CNN3: variants seen among roughly 807,000 people sequenced by gnomAD.
CNN3 encodes calponin-3.
A neutral mutation model predicts 39.0 loss-of-function variants in CNN3; 11 were observed. That is an observed-to-expected ratio of 0.28 (90% CI 0.18 to 0.47). CNN3 has a LOEUF of 0.47. Ranked by LOEUF, CNN3 falls within the 20% of genes least tolerant of loss-of-function variation. The pLI is 0.99. For synonymous variants in CNN3, 101 were observed against 138.3 expected (o/e 0.73, Z 1.89); for missense variants, 266 against 403.4 (o/e 0.66, Z 2.92).
intron 6 of CNN3, 36 bp from the exon 7 acceptor site, chr1:94,898,119 A>G (rs1250744959): frequency 6.5e-7 from 1 of 1,539,352 alleles, no homozygotes; most frequent in Non-Finnish European, 8.9e-7. Context: ...TTAAAACAGC[A>G]GCTAGAATCT....
At chr1:94,907,582 A>C (rs1671035705) in intron 1 of CNN3, among the ~76,000 whole-genome samples, 1 of 152,174 alleles carries the variant, frequency 6.6e-6, no homozygotes, top group Non-Finnish European at 1.5e-5. Context: ...TCTTCCTGAC[A>C]GGGCGCAGTG....
intron 1 of CNN3, among the ~76,000 whole-genome samples, chr1:94,911,713 G>A (rs1017150566): frequency 1.3e-5 from 2 of 152,092 alleles, no homozygotes; most frequent in African/African-American, 4.8e-5. Context: ...AGGCTGCAGT[G>A]AGCAGAGACT....
At chr1:94,925,093 CTACAT>C (rs543009893) in intron 1 of CNN3, among the ~76,000 whole-genome samples, 18 of 152,156 alleles carry the variant, frequency 1.2e-4, no homozygotes, top group Non-Finnish European at 2.4e-4. Context: ...GCAAAAGCTG[CTACAT>C]TAGTCAGCAA....
chr1:94,919,119 C>T (rs192071030), intron 1 of CNN3, among the ~76,000 whole-genome samples: 254 of 152,128 alleles, frequency 1.7e-3, no homozygotes, highest in Non-Finnish European at 3.1e-3. Context: ...GCAAATAATG[C>T]GTCTGTATGT....
intron 1 of CNN3, among the ~76,000 whole-genome samples, chr1:94,907,655 T>G (rs859051): frequency 0.56 from 85,858 of 152,038 alleles, 24,903 homozygotes; most frequent in East Asian, 0.79. Context: ...GGTCAGGAGA[T>G]CAAGACCATC....
rs1434124720 is a variant in CNN3 at position 94,926,648 on chromosome 1, C to T, written c.57+190G>A. ...GCGCGGGAACAAAGCCAGGCGGGTG[C>T]CCGGGAGCCGGCCCCGCAAGCCCGG... On this transcript the variant is annotated intron_variant, in intron 1 of 6. Transcript: ENST00000370206. This position sits in a 1 kb window ranked among gnomAD's most constrained non-coding sequence, Gnocchi z 4.2. 6.6e-6 allele frequency among the ~76,000 whole-genome samples: 1 copy of T among 152,174 alleles called. No homozygotes were observed. The highest frequency in any genetic ancestry group is 1.5e-5 in the Non-Finnish European group (1 of 68,018).
rs1246785998 is a variant in CNN3 at position 94,899,437 on chromosome 1, T to C, written c.582A>G (p.Gln194=). The C allele has an allele frequency of 1.2e-6, 2 of 1,614,138 alleles. No homozygotes were observed. The highest frequency in any genetic ancestry group is 3.3e-5 in the Admixed American group (2 of 60,014). Residue 194 remains glutamine (Q), a synonymous_variant, in exon 6 of 7, where the codon CAA becomes CAG. Coordinates refer to ENST00000370206, the MANE Select transcript of CNN3 (RefSeq NM_001839.5). The stretch of plus-strand genomic sequence containing the variant: ...TGGTCTGGTCAAAAGGTTTGTCAGT[T>C]TGCATTTTGGGATCATAAAGATGCC... ...TRRHLYDPKM[Q]TDKPFDQTTI...
chr1:94,915,449 T>C (rs1009390431), intron 1 of CNN3, among the ~76,000 whole-genome samples: 3 of 152,180 alleles, frequency 2.0e-5, no homozygotes, highest in African/African-American at 7.2e-5. Context: ...GATCTTATGA[T>C]GAAGTCACAG....
chr1:94,906,688 A>T (rs1343092227), intron 1 of CNN3, among the ~76,000 whole-genome samples: 1 of 152,218 alleles, frequency 6.6e-6, no homozygotes, highest in Non-Finnish European at 1.5e-5. Context: ...ACTCTCAGCT[A>T]TCTACACAAT....
At chr1:94,910,861 C>A (rs527712038) in intron 1 of CNN3, among the ~76,000 whole-genome samples, 1 of 152,282 alleles carries the variant, frequency 6.6e-6, no homozygotes, top group African/African-American at 2.4e-5. Flanking sequence ...GCAACTTGTT[C>A]AATCCATTGT....
intron 1 of CNN3, among the ~76,000 whole-genome samples, chr1:94,913,513 T>C (rs542293283): frequency 6.6e-6 from 1 of 152,350 alleles, no homozygotes; most frequent in South Asian, 2.1e-4. Context: ...CAGTGTACTC[T>C]GGTAGGTTAA....
intron 1 of CNN3, among the ~76,000 whole-genome samples, chr1:94,918,473 G>A (rs1163629389): frequency 2.3e-5 from 3 of 130,910 alleles, no homozygotes; most frequent in Admixed American, 9.1e-5. Context: ...CAGCCTGGGC[G>A]ACAAAGTGAG....
In CNN3 at chr1:94,923,896, TACAGA is replaced by T. The variant is rs1204067437; in HGVS notation, c.57+2937_57+2941del. On this transcript the variant is annotated intron_variant, in intron 1 of 6. Coordinates refer to ENST00000370206, the MANE Select transcript of CNN3 (RefSeq NM_001839.5). ...TGGCAACTATTGTTTTCCCCCATTC[TACAGA>T]ACAGAAGCTAGGAGAGAGATGTCAA... Among the ~76,000 whole-genome samples the T allele has an allele frequency of 5.3e-5, 8 of 152,188 alleles. No individual in the cohort carries two copies. In the East Asian group the frequency reaches 7.7e-4, roughly 15 times the overall value.
chr1:94,910,183 C>T (rs928081119), intron 1 of CNN3, among the ~76,000 whole-genome samples: 1 of 152,150 alleles, frequency 6.6e-6, no homozygotes, highest in Non-Finnish European at 1.5e-5. Flanking sequence ...TCAACATTAG[C>T]TTCTGTTTTT....
At chr1:94,898,586 T>C (rs1670783571) in intron 6 of CNN3, among the ~76,000 whole-genome samples, 1 of 152,274 alleles carries the variant, frequency 6.6e-6, no homozygotes, top group African/African-American at 2.4e-5. Context: ...AAGGCTGAGA[T>C]ACAGAAGAAC....
In CNN3 at chr1:94,926,047, G is replaced by A. The variant is rs1322812849; in HGVS notation, c.57+791C>T. 1.3e-5 allele frequency among the ~76,000 whole-genome samples: 2 copies of A among 152,076 alleles called. No homozygotes were observed. Among genetic ancestry groups the A allele is most frequent in the African/African-American group, 2.4e-5 (1 of 41,394 alleles). On this transcript the variant is annotated intron_variant, in intron 1 of 6. Coordinates refer to ENST00000370206, the MANE Select transcript of CNN3 (RefSeq NM_001839.5). The surrounding 1 kb of genome is among the most constrained non-coding windows in gnomAD (Gnocchi z 4.2). ...AGCTGAGCGTCACCAAATCCCAATCGCTCCAAACTATAAGCCGCCTCAGCA... is the reference window on the plus strand; with the variant it reads ...AGCTGAGCGTCACCAAATCCCAATCACTCCAAACTATAAGCCGCCTCAGCA...
Position 94,897,687 on chromosome 1 carries a change from T to C in CNN3, c.*55A>G, listed in dbSNP as rs1425267776. The C allele has an allele frequency of 6.8e-7, 1 of 1,480,810 alleles. No homozygotes were observed. The highest frequency in any genetic ancestry group is 1.2e-5 in the South Asian group (1 of 80,596). The allele number at this position is 1,480,810 out of a possible 1,614,324, so 91.7% of individuals were successfully genotyped here. On this transcript the variant is annotated 3_prime_UTR_variant, in exon 7 of 7. Transcript: ENST00000370206. Reference sequence around the variant, plus strand: ...AGATAAAAATTACTCAAGGCTAGCTTGGTTCTCACTGAATAAAAACAAAGG... The same window carrying C: ...AGATAAAAATTACTCAAGGCTAGCTCGGTTCTCACTGAATAAAAACAAAGG...
chr1:94,914,544 AG>A (rs1671237715), intron 1 of CNN3, among the ~76,000 whole-genome samples: 1 of 152,272 alleles, frequency 6.6e-6, no homozygotes, highest in East Asian at 1.9e-4. Flanking sequence ...CCTTTACTGA[AG>A]GTTATTATTG....
At chr1:94,914,101 A>G (rs970158051) in intron 1 of CNN3, among the ~76,000 whole-genome samples, 4 of 152,218 alleles carry the variant, frequency 2.6e-5, no homozygotes, top group African/African-American at 9.6e-5. Context: ...TAACAAACTC[A>G]TTCCCGCATT....
Sources: gnomAD v4.1 joint callset for allele counts (sites outside exome capture counted in the v4.1 genomes callset) on GRCh38, gnomAD v4.1.1 for gene constraint, Gnocchi (gnomAD v3.1) non-coding constraint, MANE v1.5 for transcripts, NCBI Gene and HGNC (gene_info 2026-07-23, HGNC 2026-07-21) for gene names.